KIF4A: variants seen among roughly 807,000 people sequenced by gnomAD.
KIF4A encodes the protein kinesin family member 4A.
A neutral mutation model predicts 105.9 loss-of-function variants in KIF4A; 7 were observed. That is an observed-to-expected ratio of 0.07 (90% CI 0.04 to 0.12). The LOEUF is 0.12. Ranked by LOEUF, KIF4A falls within the 10% of genes least tolerant of loss-of-function variation. The pLI, the probability that KIF4A is intolerant of heterozygous loss-of-function variation, is 1.00. For synonymous variants in KIF4A, 281 were observed against 331.3 expected (o/e 0.85, Z 1.65); for missense variants, 558 against 929.2 (o/e 0.60, Z 5.19).
rs1173769310 is a variant in KIF4A at position 70,304,405 on chromosome X, T to A, written c.778+2007T>A. On this transcript the variant is annotated intron_variant, in intron 7 of 30. Transcript: ENST00000374403. ...AATAGTGCTGCAATAAACATATGTG[T>A]GCATGTGTCTTTATAGCAGCATGAT... is the stretch of plus-strand genomic sequence containing the variant. 3.9e-5 allele frequency among the ~76,000 whole-genome samples: 4 copies of A among 102,119 alleles called. No individual in the cohort carries two copies. In the South Asian group the frequency reaches 2.0e-3, roughly 50 times the overall value. 88.7% of individuals were successfully genotyped at this position (102,119 alleles called of 115,157 possible). A position where few individuals can be genotyped will look rare whatever the true frequency, so the allele number is the denominator to read the frequency against.
At chrX:70,356,242 C>T (rs775389144) in intron 15 of KIF4A, among the ~76,000 whole-genome samples, 1 of 110,837 alleles carries the variant, frequency 9.0e-6, no homozygotes, top group South Asian at 3.9e-4. Context: ...GATCACACCA[C>T]TGCAATCCAG....
At chrX:70,349,675 C>G (rs1446422465) in intron 13 of KIF4A, among the ~76,000 whole-genome samples, 2 of 86,573 alleles carry the variant, frequency 2.3e-5, no homozygotes, top group African/African-American at 9.2e-5. Flanking sequence ...CAGAGGCACT[C>G]CTCACTTCCT....
chrX:70,402,768 T>C, intron 23 of KIF4A, 73 bp downstream of exon 23: 1 of 1,104,361 alleles, frequency 9.1e-7, no homozygotes, highest in Non-Finnish European at 1.2e-6. Context: ...CTTGAAATAT[T>C]GTCAAAGTGT....
chrX:70,297,284 T>A, intron 4 of KIF4A, 96 bp downstream of exon 4: 1 of 765,125 alleles, frequency 1.3e-6, no homozygotes, highest in East Asian at 3.4e-5. Flanking sequence ...CTCAAATTAG[T>A]AAGTTGCATT....
chrX:70,380,584 A>G (rs1602790576), intron 18 of KIF4A, among the ~76,000 whole-genome samples: 1 of 112,101 alleles, frequency 8.9e-6, no homozygotes, highest in East Asian at 2.8e-4. Flanking sequence ...CTTAATGGTG[A>G]AAAAGAGCAT....
At chrX:70,342,120 A>G (rs756386128) in intron 11 of KIF4A, among the ~76,000 whole-genome samples, 189 bp downstream of exon 11, 5 of 112,670 alleles carry the variant, frequency 4.4e-5, no homozygotes, top group Non-Finnish European at 9.4e-5. Flanking sequence ...GAAAAGTTAA[A>G]AGAATTGTAC....
intron 4 of KIF4A, 111 bp from the exon 5 acceptor site, chrX:70,299,002 G>A: frequency 1.9e-6 from 1 of 524,560 alleles, no homozygotes; most frequent in South Asian, 4.2e-5. Context: ...ATGAACAAAT[G>A]TTTAAATATA....
intron 7 of KIF4A, among the ~76,000 whole-genome samples, chrX:70,308,284 A>G (rs2085835241): frequency 8.9e-6 from 1 of 112,676 alleles, no homozygotes; most frequent in South Asian, 3.6e-4. Flanking sequence ...ATGTGTGCAT[A>G]TAGTAATATA....
chrX:70,411,977 T>TACACAC (rs747340719), intron 28 of KIF4A, among the ~76,000 whole-genome samples: 1 of 106,488 alleles, frequency 9.4e-6, no homozygotes, highest in Non-Finnish European at 1.9e-5. Flanking sequence ...GCAGTTGTGA[T>TACACAC]ACACACACAC....
intron 7 of KIF4A, among the ~76,000 whole-genome samples, chrX:70,322,900 A>G (rs1225699847): frequency 2.7e-5 from 3 of 109,388 alleles, no homozygotes; most frequent in Non-Finnish European, 5.7e-5. Context: ...GTACCCTTTC[A>G]AGCCATTAAC....
intron 7 of KIF4A, among the ~76,000 whole-genome samples, chrX:70,310,337 G>T (rs1311508434): frequency 4.8e-5 from 5 of 104,920 alleles, no homozygotes; most frequent in Non-Finnish European, 9.6e-5. Context: ...GTGTGTGTGT[G>T]TGTGTGTGTG....
At chrX:70,375,488 T>C in intron 17 of KIF4A, 140 bp downstream of exon 17, 1 of 617,461 alleles carries the variant, frequency 1.6e-6, no homozygotes, top group Non-Finnish European at 2.5e-6. Context: ...TCTCCACAAA[T>C]GTCCCTTTTG....
chrX:70,383,417 A>G (rs1045187619), intron 18 of KIF4A, among the ~76,000 whole-genome samples: 1 of 112,027 alleles, frequency 8.9e-6, no homozygotes, highest in Non-Finnish European at 1.9e-5. Flanking sequence ...AGCCTCATAC[A>G]TTTTCAGTAG....
In KIF4A at chrX:70,371,160, A is replaced by C. The variant is rs749186259; in HGVS notation, c.1675-2991A>C. On this transcript the variant is annotated intron_variant, in intron 15 of 30. Coordinates refer to ENST00000374403, the MANE Select transcript of KIF4A (RefSeq NM_012310.5). Reference sequence around the variant, plus strand: ...ACTACTCATCCAGTCAGTTTTCGCCAATCTTTTTTGGTTATGAGAATAGGA... The same window carrying C: ...ACTACTCATCCAGTCAGTTTTCGCCCATCTTTTTTGGTTATGAGAATAGGA... Among the ~76,000 whole-genome samples the C allele has an allele frequency of 2.7e-5, 3 of 109,742 alleles. No individual in the cohort carries two copies. The South Asian group carries it at 1.2e-3, about 43-fold the overall frequency.
chrX:70,368,788 AC>A (rs2086116925), intron 15 of KIF4A, among the ~76,000 whole-genome samples: 1 of 111,970 alleles, frequency 8.9e-6, no homozygotes, highest in African/African-American at 3.2e-5. Flanking sequence ...TCAGACAGGG[AC>A]ATTTAAGTCT....
intron 15 of KIF4A, among the ~76,000 whole-genome samples, chrX:70,355,576 T>A (rs1319783848): frequency 8.9e-6 from 1 of 111,949 alleles, no homozygotes; most frequent in Non-Finnish European, 1.9e-5. Context: ...TGGCCTAGAA[T>A]GGTGCCCACA....
chrX:70,315,864 A>T lies in KIF4A; in HGVS notation c.778+13466A>T, dbSNP rs1046112900. ...CATAAGCAGTATTGACTTTCCCCCTAGGAGTTCAGAGTGGTATGGGCGAAG... is the reference window on the plus strand; with the variant it reads ...CATAAGCAGTATTGACTTTCCCCCTTGGAGTTCAGAGTGGTATGGGCGAAG... On this transcript the variant is annotated intron_variant, in intron 7 of 30. Coordinates refer to ENST00000374403, the MANE Select transcript of KIF4A (RefSeq NM_012310.5). Among the ~76,000 whole-genome samples, 4 of 112,104 alleles carry T rather than the reference A, an allele frequency of 3.6e-5. No homozygotes were observed. In the East Asian group the frequency reaches 1.1e-3, roughly 31 times the overall value.
In KIF4A at chrX:70,357,170, C is replaced by T. The variant is rs760705406; in HGVS notation, c.1674+3363C>T. 9.0e-5 allele frequency among the ~76,000 whole-genome samples: 10 copies of T among 110,893 alleles called. No individual in the cohort carries two copies. In the East Asian group the frequency reaches 2.3e-3, roughly 25 times the overall value. The stretch of plus-strand genomic sequence containing the variant: ...TCTACTAAAAATACAAAAAATTAGC[C>T]GAGCATGGTGGCGGGCGCCTGTAGT... On this transcript the variant is annotated intron_variant, in intron 15 of 30. Coordinates refer to ENST00000374403, the MANE Select transcript of KIF4A (RefSeq NM_012310.5).
chrX:70,360,153 G>A (rs5936880), intron 15 of KIF4A, among the ~76,000 whole-genome samples: 48,046 of 110,804 alleles, frequency 0.43, 8,391 homozygotes, highest in Non-Finnish European at 0.55. Context: ...CCTGGGGCAC[G>A]CGGTTTTCAC....
Sources: allele counts gnomAD v4.1 joint callset (sites outside exome capture counted in the v4.1 genomes callset), GRCh38; gene constraint gnomAD v4.1.1; transcripts MANE v1.5; gene names NCBI Gene and HGNC (gene_info 2026-07-23, HGNC 2026-07-21).